The following REPS1 variants were observed in gnomAD, a reference collection of about 807,000 sequenced individuals.
REPS1 encodes RALBP1 associated Eps domain containing 1, also known as ralBP1-associated Eps domain-containing protein 1.
REPS1 carries 39 observed loss-of-function variants against 100.9 expected under a neutral mutation model. The ratio of observed to expected loss-of-function variants is 0.39; its 90% CI spans 0.30 to 0.50. REPS1 has a LOEUF of 0.50. REPS1 is among the 20% of genes least tolerant of loss of function. REPS1 has a pLI of 0.86. For synonymous variants in REPS1, 324 were observed against 340.3 expected (o/e 0.95, Z 0.53); for missense variants, 821 against 968.5 (o/e 0.85, Z 2.02).
intron 1 of REPS1, among the ~76,000 whole-genome samples, chr6:138,971,179 A>T (rs1306848307): frequency 1.3e-5 from 2 of 152,198 alleles, no homozygotes; most frequent in African/African-American, 4.8e-5. Flanking sequence ...GCTCCCTTCC[A>T]CCAGCCATTA....
intron 17 of REPS1, among the ~76,000 whole-genome samples, chr6:138,909,523 T>C (rs114817994): frequency 1.7e-3 from 266 of 152,296 alleles, no homozygotes; most frequent in African/African-American, 6.0e-3. Context: ...TAATAAAACA[T>C]AGTGATATGG....
At chr6:138,986,761 G>A (rs1281806974) in intron 1 of REPS1, among the ~76,000 whole-genome samples, 1 of 145,168 alleles carries the variant, frequency 6.9e-6, no homozygotes, top group East Asian at 1.9e-4. Flanking sequence ...CTTCTAGGAA[G>A]TCCTCTGTTT....
intron 1 of REPS1, among the ~76,000 whole-genome samples, chr6:138,983,025 G>A (rs548418784): frequency 4.3e-4 from 65 of 152,254 alleles, no homozygotes; most frequent in African/African-American, 1.5e-3. Flanking sequence ...AGAACTATGG[G>A]GAAGTCAAAA....
rs565971672 is a variant in REPS1, at chr6:138,931,101, A to G, written c.1136-1003T>C. On this transcript the variant is annotated intron_variant, in intron 8 of 19. Transcript: ENST00000450536. The stretch of plus-strand genomic sequence containing the variant: ...GAACTCATATCAAAAATATCATTAC[A>G]ATATCATTGTGTCTGACCATGGGCA... Among the ~76,000 whole-genome samples the G allele has an allele frequency of 3.3e-4, 51 of 152,290 alleles. No individual in the cohort carries two copies. In the South Asian group the frequency reaches 0.01, roughly 31 times the overall value.
chr6:138,983,582 A>C (rs1785078455), intron 1 of REPS1, among the ~76,000 whole-genome samples: 1 of 152,178 alleles, frequency 6.6e-6, no homozygotes, highest in South Asian at 2.1e-4. Context: ...GCACTCGATA[A>C]ATGCCAGCTC....
chr6:138,933,262 C>G (rs1451969774), intron 8 of REPS1, among the ~76,000 whole-genome samples: 1 of 152,064 alleles, frequency 6.6e-6, no homozygotes, highest in Non-Finnish European at 1.5e-5. Flanking sequence ...TATATTAGGC[C>G]AGATAGTAAC....
Position 138,905,008 on chromosome 6 carries a change from G to C in REPS1, c.*56C>G. 1 of 1,499,860 alleles carries C rather than the reference G, an allele frequency of 6.7e-7. No individual in the cohort carries two copies. Among genetic ancestry groups the C allele is most frequent in the South Asian group, 1.1e-5 (1 of 87,470 alleles). The allele number at this position is 1,499,860 out of a possible 1,614,324, so 92.9% of individuals were successfully genotyped here. On this transcript the variant is annotated 3_prime_UTR_variant, in exon 20 of 20. Transcript: ENST00000450536. ...GCTGAATGTCTAGGTCTCCAAATTG[G>C]CTTTGAACCCAAAACCACTTAAAAA...
chr6:138,907,626 AC>A, intron 18 of REPS1, 26 bp from the exon 19 acceptor site: 1 of 1,373,140 alleles, frequency 7.3e-7, no homozygotes, highest in Non-Finnish European at 1.0e-6. Context: ...AGGCAAAAAA[AC>A]CCATAACCTT....
At chr6:138,937,206 C>T (rs1002745499) in intron 8 of REPS1, among the ~76,000 whole-genome samples, 14 of 152,054 alleles carry the variant, frequency 9.2e-5, no homozygotes, top group Middle Eastern at 3.2e-3. Flanking sequence ...TACCTCCCAC[C>T]GGGTCCCTCC....
At chr6:138,984,264 G>A (rs188288509) in intron 1 of REPS1, among the ~76,000 whole-genome samples, 3 of 152,020 alleles carry the variant, frequency 2.0e-5, no homozygotes, top group Admixed American at 6.5e-5. Flanking sequence ...TGTATTTTTA[G>A]TACAGAAAGG....
At chr6:138,942,495 GCTGTGGT>G (rs1040628988) in intron 7 of REPS1, among the ~76,000 whole-genome samples, 2 of 152,048 alleles carry the variant, frequency 1.3e-5, no homozygotes, top group Non-Finnish European at 2.9e-5. Flanking sequence ...AGGCTACAGT[GCTGTGGT>G]ATGACCTCAG....
intron 13 of REPS1, among the ~76,000 whole-genome samples, chr6:138,916,774 ACTT>A (rs1780430081): frequency 1.3e-5 from 2 of 152,150 alleles, no homozygotes; most frequent in South Asian, 4.1e-4. Flanking sequence ...CTAGAGATTC[ACTT>A]CTTTGCTACC....
At chr6:138,974,002 G>A (rs931893641) in intron 1 of REPS1, among the ~76,000 whole-genome samples, 9 of 152,166 alleles carry the variant, frequency 5.9e-5, no homozygotes, top group African/African-American at 2.2e-4. Flanking sequence ...GAGCTTAGAA[G>A]ATTCAGTTTT....
chr6:138,960,800 T>C (rs953748861), intron 1 of REPS1, among the ~76,000 whole-genome samples: 1 of 152,224 alleles, frequency 6.6e-6, no homozygotes, highest in Non-Finnish European at 1.5e-5. Flanking sequence ...GAAACTTTTC[T>C]AAATGTGACG....
chr6:138,956,437 A>C (rs1783395836), intron 1 of REPS1, among the ~76,000 whole-genome samples: 1 of 151,966 alleles, frequency 6.6e-6, no homozygotes, highest in African/African-American at 2.4e-5. Flanking sequence ...TGCTGCTCAC[A>C]GTTACTAGCA....
intron 1 of REPS1, among the ~76,000 whole-genome samples, chr6:138,956,512 A>AAACGTTATG (rs1783401143): frequency 6.6e-6 from 1 of 151,982 alleles, no homozygotes; most frequent in Admixed American, 6.6e-5. Flanking sequence ...TAAAAGAATG[A>AAACGTTATG]AACGTTAGAG....
chr6:138,985,384 C>A (rs1430242477), intron 1 of REPS1, among the ~76,000 whole-genome samples: 1 of 152,206 alleles, frequency 6.6e-6, no homozygotes, highest in Non-Finnish European at 1.5e-5. Flanking sequence ...GAGCTTCTTA[C>A]TCCTCTTCTG....
intron 18 of REPS1, among the ~76,000 whole-genome samples, chr6:138,908,026 T>C (rs1322693108): frequency 2.0e-5 from 3 of 152,184 alleles, no homozygotes; most frequent in Non-Finnish European, 4.4e-5. Flanking sequence ...TCATGGGCTA[T>C]ACAAAAACAG....
At position 138,945,454 on chromosome 6, in the gene REPS1, C is replaced by T. The variant is rs763748121; in HGVS notation, c.474+47G>A. 5 of 1,579,906 alleles carry T rather than the reference C, an allele frequency of 3.2e-6. No individual in the cohort carries two copies. The East Asian group carries it at 1.1e-4, about 35-fold the overall frequency. ...GCTACCAATAAGAGCCTTAGTGAAG[C>T]ATTTGCACAGGGCATCAACTGCTAA... On this transcript the variant is annotated intron_variant, in intron 3 of 19. Transcript: ENST00000450536.
Sources: gnomAD v4.1 joint callset for allele counts (sites outside exome capture counted in the v4.1 genomes callset) on GRCh38, gnomAD v4.1.1 for gene constraint, MANE v1.5 for transcripts, NCBI Gene and HGNC (gene_info 2026-07-23, HGNC 2026-07-21) for gene names.